The following TENM3 variants were observed in gnomAD, a reference collection of about 807,000 sequenced individuals.
TENM3 encodes the protein teneurin-3.
A neutral mutation model predicts 255.1 loss-of-function variants in TENM3; 63 were observed. The ratio of observed to expected loss-of-function variants is 0.25; its 90% CI spans 0.20 to 0.30. The LOEUF is 0.30. Ranked by LOEUF, TENM3 falls within the 10% of genes least tolerant of loss-of-function variation. The probability of loss-of-function intolerance (pLI) is 1.00; values close to 1 mark genes in which losing one functional copy is unlikely to be tolerated. For missense variants in TENM3, 2,929 were observed against 3,461.1 expected, an observed-to-expected ratio of 0.85 and a Z score of 3.86; for synonymous variants, 1,306 against 1,322.3, an observed-to-expected ratio of 0.99 and a Z score of 0.27.
the TENM3 span, among the ~76,000 whole-genome samples, chr4:181,766,237 G>A: frequency 1.3e-4 from 20 of 152,068 alleles, no homozygotes; most frequent in African/African-American, 4.3e-4. Flanking sequence ...AATCCTCTGC[G>A]CAAAAGCTAA....
At chr4:181,877,000 T>C in the TENM3 span, 1 of 152,162 alleles carries the variant, frequency 6.6e-6, no homozygotes, top group African/African-American at 2.4e-5. Context: ...GTGTATTTTA[T>C]GTAAGATATA....
intron 12 of TENM3, among the ~76,000 whole-genome samples, chr4:182,692,666 A>G (rs565184942): frequency 6.6e-6 from 1 of 152,344 alleles, no homozygotes; most frequent in East Asian, 1.9e-4. Context: ...TGTTTGTTAG[A>G]TATAATGAAG....
At chr4:181,900,367 A>T in the TENM3 span, among the ~76,000 whole-genome samples, 1 of 152,218 alleles carries the variant, frequency 6.6e-6, no homozygotes, top group Non-Finnish European at 1.5e-5. Context: ...AAAGGAAAGT[A>T]AATAAATTTT....
chr4:182,613,978 A>T (rs1056690016), intron 4 of TENM3, among the ~76,000 whole-genome samples: 3 of 152,188 alleles, frequency 2.0e-5, no homozygotes, highest in African/African-American at 4.8e-5. Context: ...ATAGCACATC[A>T]ATTCAAAAGT....
chr4:181,775,933 G>A, the TENM3 span, among the ~76,000 whole-genome samples: 2 of 152,058 alleles, frequency 1.3e-5, no homozygotes, highest in East Asian at 3.9e-4. Flanking sequence ...AGTATTTTAA[G>A]TCCTCTCTAC....
chr4:182,315,846 TC>T lies in TENM3; in HGVS notation c.-75-8099del, dbSNP rs1762722123. On this transcript the variant is annotated intron_variant, in intron 1 of 27. Transcript: ENST00000511685. Reference sequence around the variant, plus strand: ...TCTATTACCATTTTGAGTTCTCTGCTCTTTTCTTCTGCAGTGTCTAATCTGC... The same window carrying T: ...TCTATTACCATTTTGAGTTCTCTGCTTTTTCTTCTGCAGTGTCTAATCTGC... Among the ~76,000 whole-genome samples the T allele has an allele frequency of 2.0e-5, 3 of 152,182 alleles. No homozygotes were observed. The South Asian group carries it at 6.2e-4, about 31-fold the overall frequency.
At chr4:181,553,465 G>A in the TENM3 span, among the ~76,000 whole-genome samples, 45 of 151,828 alleles carry the variant, frequency 3.0e-4, no homozygotes, top group East Asian at 4.3e-3. Flanking sequence ...ATTTTGAGGC[G>A]GAGTCTGGCT....
chr4:182,497,847 CATATATATATATATATATATAT>C lies in TENM3; in HGVS notation c.512-103062_512-103041del, dbSNP rs56170155. ...ATATACCCCATCTCTACTAAAAATA[CATATATATATATATATATATAT>C]ATATATATATATATCTCAACCTAGA... On this transcript the variant is annotated intron_variant, in intron 3 of 27. Coordinates refer to ENST00000511685, the MANE Select transcript of TENM3 (RefSeq NM_001080477.4). 2.2e-4 allele frequency among the ~76,000 whole-genome samples: 30 copies of C among 135,656 alleles called. 1 individual carries two copies. Among genetic ancestry groups the C allele is most frequent in the South Asian group, 8.9e-4 (4 of 4,500 alleles). 89.0% of individuals were successfully genotyped at this position (135,656 alleles called of 152,430 possible).
At chr4:182,131,682 T>C in the TENM3 span, among the ~76,000 whole-genome samples, 1 of 152,192 alleles carries the variant, frequency 6.6e-6, no homozygotes, top group Non-Finnish European at 1.5e-5. Flanking sequence ...GAATGAAATG[T>C]AACAGAATAC....
chr4:182,722,175 T>A (rs1283114268), intron 13 of TENM3, among the ~76,000 whole-genome samples: 1 of 152,212 alleles, frequency 6.6e-6, no homozygotes, highest in African/African-American at 2.4e-5. Context: ...TTCTAATACT[T>A]TTTATAATTC....
chr4:182,431,238 G>C (rs1338802031), intron 3 of TENM3, among the ~76,000 whole-genome samples: 1 of 151,956 alleles, frequency 6.6e-6, no homozygotes, highest in Non-Finnish European at 1.5e-5. Flanking sequence ...GGCTCATCCT[G>C]TAATCCCAGC....
chr4:182,075,556 G>A, the TENM3 span, among the ~76,000 whole-genome samples: 1 of 152,084 alleles, frequency 6.6e-6, no homozygotes, highest in South Asian at 2.1e-4. Flanking sequence ...CCTGTCTGTA[G>A]GCTAATTTGC....
At chr4:182,403,526 G>A (rs760030363) in intron 3 of TENM3, among the ~76,000 whole-genome samples, 5 of 152,158 alleles carry the variant, frequency 3.3e-5, no homozygotes, top group Admixed American at 2.0e-4. Context: ...GTGAAGAGAC[G>A]GAATCGAAGC....
At chr4:182,487,344 A>G (rs997736318) in intron 3 of TENM3, among the ~76,000 whole-genome samples, 8 of 152,336 alleles carry the variant, frequency 5.3e-5, no homozygotes, top group Admixed American at 2.0e-4. Context: ...TTGAATTACT[A>G]TAGATAACAG....
At chr4:182,534,701 G>A (rs1004408997) in intron 3 of TENM3, among the ~76,000 whole-genome samples, 2 of 152,198 alleles carry the variant, frequency 1.3e-5, no homozygotes, top group East Asian at 1.9e-4. Context: ...GATAAGCGAT[G>A]GAGATAGAAT....
chr4:182,107,653 T>A, the TENM3 span, among the ~76,000 whole-genome samples: 1,062 of 152,320 alleles, frequency 7.0e-3, 9 homozygotes, highest in African/African-American at 0.024. Flanking sequence ...AGTCACAGGC[T>A]TTTAAAGAAG....
chr4:182,800,627 A>T lies in TENM3; in HGVS notation c.*276A>T, dbSNP rs964448003. On this transcript the variant is annotated 3_prime_UTR_variant, in exon 28 of 28. Transcript: ENST00000511685. The stretch of plus-strand genomic sequence containing the variant: ...AAAATCATCAAGGACAAAGGCCTCG[A>T]CCTGTTGCGCTGGGCCGTCTGTTCC... 2.6e-5 allele frequency: 9 copies of T among 347,092 alleles called. No homozygotes were observed. Among genetic ancestry groups the T allele is most frequent in the Non-Finnish European group, 3.2e-5 (6 of 190,244 alleles). The allele number at this position is 347,092 out of a possible 1,614,324, so 21.5% of individuals were successfully genotyped here.
the TENM3 span, among the ~76,000 whole-genome samples, chr4:181,608,438 A>T: frequency 6.6e-6 from 1 of 152,274 alleles, no homozygotes; most frequent in East Asian, 1.9e-4. Context: ...GTGCTAAGAA[A>T]GGTCTCTGGG....
intron 1 of TENM3, among the ~76,000 whole-genome samples, chr4:182,235,899 A>G (rs1756871878): frequency 6.6e-6 from 1 of 152,232 alleles, no homozygotes; most frequent in South Asian, 2.1e-4. Flanking sequence ...GCAGTGAACA[A>G]AGCAGTCTAA....
Sources: gnomAD v4.1 joint callset for allele counts (sites outside exome capture counted in the v4.1 genomes callset) on GRCh38, gnomAD v4.1.1 for gene constraint, MANE v1.5 for transcripts, NCBI Gene and HGNC (gene_info 2026-07-23, HGNC 2026-07-21) for gene names.